The following ADGRB3 variants were observed in gnomAD, a reference collection of about 807,000 sequenced individuals.
The protein encoded by ADGRB3 is brain-specific angiogenesis inhibitor 3.
A neutral mutation model predicts 193.4 loss-of-function variants in ADGRB3; 37 were observed. The ratio of observed to expected loss-of-function variants is 0.19; its 90% CI spans 0.15 to 0.25. ADGRB3 has a LOEUF of 0.25. ADGRB3 is among the 10% of genes least tolerant of loss of function. The pLI, the probability that ADGRB3 is intolerant of heterozygous loss-of-function variation, is 1.00. For synonymous variants in ADGRB3, 690 were observed against 644.2 expected (o/e 1.07, Z -1.08); for missense variants, 1,637 against 1,852.9 (o/e 0.88, Z 2.14).
intron 15 of ADGRB3, among the ~76,000 whole-genome samples, chr6:69,056,969 C>A (rs548816109): frequency 6.6e-6 from 1 of 152,000 alleles, no homozygotes; most frequent in East Asian, 1.9e-4. Context: ...TGCAAAAATA[C>A]CATTTGGATA....
At chr6:68,783,011 A>G (rs1384913287) in intron 3 of ADGRB3, among the ~76,000 whole-genome samples, 3 of 152,024 alleles carry the variant, frequency 2.0e-5, no homozygotes, top group South Asian at 2.1e-4. Context: ...GTAAACAACA[A>G]CCACTGCCAT....
intron 3 of ADGRB3, among the ~76,000 whole-genome samples, chr6:68,862,025 A>C (rs771880325): frequency 1.2e-3 from 182 of 152,068 alleles, no homozygotes; most frequent in Non-Finnish European, 1.1e-3. Context: ...TCTCGGGAGC[A>C]AGTCAGACAC....
At chr6:68,830,051 CAG>C (rs1767924185) in intron 3 of ADGRB3, among the ~76,000 whole-genome samples, 1 of 152,082 alleles carries the variant, frequency 6.6e-6, no homozygotes, top group Non-Finnish European at 1.5e-5. Context: ...ACAATCAAAA[CAG>C]ATGTAAAAAG....
intron 17 of ADGRB3, among the ~76,000 whole-genome samples, chr6:69,162,694 G>A (rs1462295035): frequency 1.3e-5 from 2 of 152,078 alleles, no homozygotes; most frequent in East Asian, 3.9e-4. Context: ...TATAAAATGA[G>A]TGAAAATGAT....
At chr6:69,284,762 T>C (rs1028494499) in intron 20 of ADGRB3, among the ~76,000 whole-genome samples, 2 of 152,138 alleles carry the variant, frequency 1.3e-5, no homozygotes, top group Non-Finnish European at 2.9e-5. Context: ...TACTAATATG[T>C]AATTAATTTG....
intron 3 of ADGRB3, among the ~76,000 whole-genome samples, chr6:68,878,195 T>A (rs1765642487): frequency 6.6e-6 from 1 of 152,036 alleles, no homozygotes; most frequent in Non-Finnish European, 1.5e-5. Context: ...TTCTTTTTAT[T>A]GAAAAATGTT....
At chr6:69,303,721 C>T (rs1246709756) in intron 20 of ADGRB3, among the ~76,000 whole-genome samples, 3 of 151,938 alleles carry the variant, frequency 2.0e-5, no homozygotes, top group Non-Finnish European at 4.4e-5. Flanking sequence ...CCTACACAAT[C>T]ACAGATATTA....
intron 8 of ADGRB3, among the ~76,000 whole-genome samples, chr6:68,973,134 T>C (rs963557367): frequency 6.6e-6 from 1 of 152,184 alleles, no homozygotes; most frequent in Non-Finnish European, 1.5e-5. Context: ...GAGAGGACTA[T>C]CTTAAACAAT....
intron 17 of ADGRB3, among the ~76,000 whole-genome samples, chr6:69,091,681 C>T (rs1159153821): frequency 2.0e-5 from 3 of 152,054 alleles, no homozygotes; most frequent in Non-Finnish European, 4.4e-5. Context: ...AGAAAAACAA[C>T]AGTAGGTACT....
intron 13 of ADGRB3, among the ~76,000 whole-genome samples, chr6:69,033,230 A>G (rs181579594): frequency 1.3e-5 from 2 of 152,278 alleles, no homozygotes; most frequent in East Asian, 3.9e-4. Flanking sequence ...GAAGATTTCA[A>G]TGGCATTTGG....
At chr6:69,042,422 C>T (rs963175042) in intron 13 of ADGRB3, among the ~76,000 whole-genome samples, 1 of 152,150 alleles carries the variant, frequency 6.6e-6, no homozygotes, top group African/African-American at 2.4e-5. Flanking sequence ...CTCATACAAG[C>T]GTTCAATAGA....
chr6:69,281,099 C>A (rs1018855127), intron 20 of ADGRB3, among the ~76,000 whole-genome samples: 2 of 152,132 alleles, frequency 1.3e-5, no homozygotes, highest in African/African-American at 4.8e-5. Flanking sequence ...TTTAATTGAG[C>A]CACAGACCAT....
intron 20 of ADGRB3, among the ~76,000 whole-genome samples, chr6:69,321,336 G>C (rs557712321): frequency 2.0e-5 from 3 of 151,904 alleles, no homozygotes; most frequent in Non-Finnish European, 4.4e-5. Context: ...CCAGTTAGGG[G>C]TTTGGCAAGG....
chr6:68,641,571 G>A (rs75423818), intron 3 of ADGRB3, among the ~76,000 whole-genome samples: 1 of 152,294 alleles, frequency 6.6e-6, no homozygotes, highest in East Asian at 1.9e-4. Context: ...AACAACATAT[G>A]CTATGTCAGT....
chr6:69,080,759 G>A (rs759409206), intron 17 of ADGRB3, among the ~76,000 whole-genome samples: 3 of 152,038 alleles, frequency 2.0e-5, no homozygotes, highest in Non-Finnish European at 2.9e-5. Flanking sequence ...ACCATAGACA[G>A]GAATTGAAAA....
chr6:68,681,415 G>T (rs1246976264), intron 3 of ADGRB3, among the ~76,000 whole-genome samples: 3 of 152,050 alleles, frequency 2.0e-5, no homozygotes, highest in East Asian at 3.9e-4. Context: ...ATGCAGCTAG[G>T]ACTACAAGCA....
intron 3 of ADGRB3, among the ~76,000 whole-genome samples, chr6:68,794,121 TATA>T (rs1767162702): frequency 6.6e-6 from 1 of 152,120 alleles, no homozygotes; most frequent in African/African-American, 2.4e-5. Context: ...TCATACTGTC[TATA>T]ATATAACCAA....
At position 68,936,515 on chromosome 6, in the gene ADGRB3, G is replaced by A. The variant is rs746444940; in HGVS notation, c.869-4G>A. On this transcript the variant is annotated splice_polypyrimidine_tract_variant and splice_region_variant and intron_variant, in intron 4 of 31. Transcript: ENST00000370598. ...TTCATGTTTATTTGTTGTCTTGCAC[G>A]CAGGTGAATCTGGTGTGGAAGAGTG... 8.7e-6 allele frequency: 14 copies of A among 1,612,918 alleles called. No homozygotes were observed. Among genetic ancestry groups the A allele is most frequent in the Admixed American group, 3.3e-5 (2 of 59,892 alleles).
At chr6:69,089,002 T>G (rs1211785537) in intron 17 of ADGRB3, among the ~76,000 whole-genome samples, 2 of 152,232 alleles carry the variant, frequency 1.3e-5, no homozygotes, top group East Asian at 1.9e-4. Context: ...ATATTACAGG[T>G]TTAGAAAAGG....
Sources: allele counts gnomAD v4.1 joint callset (sites outside exome capture counted in the v4.1 genomes callset), GRCh38; gene constraint gnomAD v4.1.1; transcripts MANE v1.5; gene names NCBI Gene and HGNC (gene_info 2026-07-23, HGNC 2026-07-21).